Variants in SEMA7A observed in about 807,000 individuals in gnomAD.
SEMA7A encodes the protein semaphorin-7A.
Under a neutral mutation model 67.5 loss-of-function variants are expected in SEMA7A, and 21 were observed. The observed-to-expected ratio is 0.31, with a 90% CI of 0.22 to 0.45. The LOEUF is 0.45. Among genes scored for constraint, SEMA7A ranks in the 20% least tolerant of loss-of-function variants. The pLI is 1.00. For synonymous variants in SEMA7A, 364 were observed against 368.5 expected (o/e 0.99, Z 0.14); for missense variants, 774 against 908.6 (o/e 0.85, Z 1.90).
chr15:74,419,693 A>G (rs962616833), intron 1 of SEMA7A, among the ~76,000 whole-genome samples: 1 of 152,194 alleles, frequency 6.6e-6, no homozygotes, highest in Non-Finnish European at 1.5e-5. Flanking sequence ...GCTGGACTCT[A>G]TTCCATGGCC....
intron 1 of SEMA7A, 121 bp downstream of exon 1, chr15:74,433,620 G>C (rs2061113181): frequency 7.8e-7 from 1 of 1,280,138 alleles, no homozygotes; most frequent in Non-Finnish European, 9.8e-7. Flanking sequence ...CGGGGACAGC[G>C]CGGGGACAGC....
At chr15:74,433,308 C>A (rs989223874) in intron 1 of SEMA7A, among the ~76,000 whole-genome samples, 39 of 151,786 alleles carry the variant, frequency 2.6e-4, no homozygotes, top group Non-Finnish European at 4.6e-4. Flanking sequence ...GCCGGCCCAG[C>A]CTGCGCCCCG....
chr15:74,419,290 C>A (rs28362907), intron 1 of SEMA7A, among the ~76,000 whole-genome samples: 23,133 of 152,164 alleles, frequency 0.15, 4,723 homozygotes, highest in African/African-American at 0.47. Context: ...CTGGCACACA[C>A]TTTTGAGGGC....
intron 6 of SEMA7A, among the ~76,000 whole-genome samples, chr15:74,417,087 C>A (rs2141277090): frequency 6.6e-6 from 1 of 152,244 alleles, no homozygotes; most frequent in South Asian, 2.1e-4. Flanking sequence ...TCCTGGGGAC[C>A]CTGCACTGGG....
chr15:74,424,913 G>A (rs978808628), intron 1 of SEMA7A, among the ~76,000 whole-genome samples: 1 of 152,260 alleles, frequency 6.6e-6, no homozygotes, highest in Non-Finnish European at 1.5e-5. Flanking sequence ...AAAGGGTAGC[G>A]GTGCAGGGCC....
In SEMA7A at chr15:74,411,393, A is replaced by C. The variant is rs767593534; in HGVS notation, c.1578-37T>G. The C allele has an allele frequency of 3.1e-6, 5 of 1,608,520 alleles. No individual in the cohort carries two copies. The highest frequency in any genetic ancestry group is 4.2e-6 in the Non-Finnish European group (5 of 1,176,566). On this transcript the variant is annotated intron_variant, in intron 12 of 13. Coordinates refer to ENST00000261918, the MANE Select transcript of SEMA7A (RefSeq NM_003612.5). The surrounding 1 kb of genome is among the most constrained non-coding windows in gnomAD (Gnocchi z 4.4). Reference sequence around the variant, plus strand: ...AGGACGAAAGAGGATCAGCAGATACAAGGCTGCAGACCTGACCCTCCTATC... The same window carrying C: ...AGGACGAAAGAGGATCAGCAGATACCAGGCTGCAGACCTGACCCTCCTATC...
At position 74,426,139 on chromosome 15, in the gene SEMA7A, G is replaced by A. The variant is rs539089039; in HGVS notation, c.179-7187C>T. ...AATACAAAAAAATTAGCCAGACATG[G>A]TGGTGTGCGCCTGTACTCCCAGCTA... On this transcript the variant is annotated intron_variant, in intron 1 of 13. Transcript: ENST00000261918. Among the ~76,000 whole-genome samples the A allele has an allele frequency of 1.0e-3, 156 of 152,290 alleles. 1 individual carries two copies. Among genetic ancestry groups the A allele is most frequent in the Admixed American group, 1.9e-3 (29 of 15,298 alleles).
rs1039556225 is a variant in SEMA7A at position 74,417,860 on chromosome 15, G to A, written c.465+17C>T. 3.7e-6 allele frequency: 6 copies of A among 1,612,796 alleles called. No individual in the cohort carries two copies. In the African/African-American group the frequency reaches 5.3e-5, roughly 14 times the overall value. ...AGAAGGTGAGCTGATCAGGCACATG[G>A]GGAGCAGCCTTCTCACCAGGTTCCA... On this transcript the variant is annotated intron_variant, in intron 4 of 13. Transcript: ENST00000261918.
intron 1 of SEMA7A, among the ~76,000 whole-genome samples, chr15:74,432,197 T>C (rs1335486356): frequency 6.6e-6 from 1 of 151,892 alleles, no homozygotes; most frequent in Non-Finnish European, 1.5e-5. Flanking sequence ...GATGTGGCCA[T>C]TTGTCCCCTC....
chr15:74,422,827 G>A (rs947025717), intron 1 of SEMA7A, among the ~76,000 whole-genome samples: 2 of 152,198 alleles, frequency 1.3e-5, no homozygotes, highest in South Asian at 4.1e-4. Flanking sequence ...GGTGGAGCAC[G>A]TTTCCTCTTC....
chr15:74,433,478 T>A, intron 1 of SEMA7A: 1 of 1,019,604 alleles, frequency 9.8e-7, no homozygotes, highest in Non-Finnish European at 1.2e-6. Flanking sequence ...TTGCGGCTCC[T>A]GGCTGCCAGG....
Position 74,411,993 on chromosome 15 carries a change from C to T in SEMA7A, c.1314G>A (p.Lys438=). ...YLTTDRGTIH[K]VVEPGEQEHS... The stretch of plus-strand genomic sequence containing the variant: ...GCTCCTGCTCCCCCGGTTCCACCAC[C>T]TTGTGGATAGTGCCCCTGTCTGTGT... Residue 438 remains lysine, a synonymous_variant, in exon 11 of 14, where the codon AAG becomes AAA. Coordinates refer to ENST00000261918, the MANE Select transcript of SEMA7A (RefSeq NM_003612.5). This position sits in a 1 kb window ranked among gnomAD's most constrained non-coding sequence, Gnocchi z 4.4. 1 of 1,613,928 alleles carries T rather than the reference C, an allele frequency of 6.2e-7. No homozygotes were observed. Among genetic ancestry groups the T allele is most frequent in the Non-Finnish European group, 8.5e-7 (1 of 1,180,022 alleles).
At chr15:74,425,888 T>G (rs1001984635) in intron 1 of SEMA7A, among the ~76,000 whole-genome samples, 1 of 152,170 alleles carries the variant, frequency 6.6e-6, no homozygotes, top group Non-Finnish European at 1.5e-5. Flanking sequence ...ACAGCCCGCA[T>G]GGACTGTGCA....
intron 1 of SEMA7A, among the ~76,000 whole-genome samples, chr15:74,428,937 C>T (rs915445900): frequency 6.6e-5 from 10 of 152,200 alleles, no homozygotes; most frequent in Admixed American, 1.3e-4. Context: ...AACAAGGTGC[C>T]GTGGCCCTCC....
In SEMA7A at chr15:74,414,680, C is replaced by CACCTCTGGGTG; in HGVS notation, c.1150_1160dup (p.Ala388ThrfsTer14). 6.2e-7 allele frequency: 1 copy of CACCTCTGGGTG among 1,614,138 alleles called. No individual in the cohort carries two copies. Among genetic ancestry groups the CACCTCTGGGTG allele is most frequent in the African/African-American group, 1.3e-5 (1 of 75,020 alleles). On this transcript the variant is annotated frameshift_variant, in exon 10 of 14. Transcript: ENST00000261918. LOFTEE classifies it high-confidence loss of function. This position sits in a 1 kb window ranked among gnomAD's most constrained non-coding sequence, Gnocchi z 4.1. ...GCCCCATGGGCTCCACCCTCTGCGC[C>CACCTCTGGGTG]ACCTCTGGGTGACGGTCAGCCACCT... is the stretch of plus-strand genomic sequence containing the variant.
intron 1 of SEMA7A, among the ~76,000 whole-genome samples, chr15:74,424,578 AT>A (rs1229284731): frequency 1.3e-5 from 2 of 152,182 alleles, no homozygotes; most frequent in Non-Finnish European, 2.9e-5. Flanking sequence ...TGCTCTCCCC[AT>A]GGCACCACTG....
chr15:74,418,730 T>C, intron 2 of SEMA7A, 71 bp downstream of exon 2: 1 of 1,546,650 alleles, frequency 6.5e-7, no homozygotes, highest in South Asian at 1.2e-5. Flanking sequence ...TCGGATTCCC[T>C]GAGGACCCTT....
At position 74,410,933 on chromosome 15, in the gene SEMA7A, CAGG is replaced by C; in HGVS notation, c.1689_1691del (p.Tyr563_Leu564delinsTer). The C allele has an allele frequency of 1.2e-6, 2 of 1,614,030 alleles. No homozygotes were observed. Among genetic ancestry groups the C allele is most frequent in the Non-Finnish European group, 8.5e-7 (1 of 1,180,014 alleles). On this transcript the variant is annotated stop_gained and inframe_deletion, in exon 14 of 14. Coordinates refer to ENST00000261918, the MANE Select transcript of SEMA7A (RefSeq NM_003612.5). LOFTEE classifies it low-confidence loss of function (END_TRUNC). The surrounding 1 kb of genome is among the most constrained non-coding windows in gnomAD (Gnocchi z 7.5). ...CGTGGCGGGATTCCATGGGGCAGCTCAGGTAGTAGCGAGAGTTTGGGGCCAGGG... is the reference window on the plus strand; with the variant it reads ...CGTGGCGGGATTCCATGGGGCAGCTCTAGTAGCGAGAGTTTGGGGCCAGGG...
At chr15:74,420,596 C>A (rs28362901) in intron 1 of SEMA7A, among the ~76,000 whole-genome samples, 18,833 of 152,176 alleles carry the variant, frequency 0.12, 2,091 homozygotes, top group East Asian at 0.44. Flanking sequence ...CTGAGAGGTA[C>A]TGGCACTTCG....
Sources: gnomAD v4.1 joint callset for allele counts (sites outside exome capture counted in the v4.1 genomes callset) on GRCh38, gnomAD v4.1.1 for gene constraint, Gnocchi (gnomAD v3.1) non-coding constraint, MANE v1.5 for transcripts, NCBI Gene and HGNC (gene_info 2026-07-23, HGNC 2026-07-21) for gene names.